Variants in PTK2B observed in about 807,000 individuals in gnomAD.
PTK2B encodes the protein protein-tyrosine kinase 2-beta.
A neutral mutation model predicts 142.9 loss-of-function variants in PTK2B; 71 were observed. The ratio of observed to expected loss-of-function variants is 0.50; its 90% CI spans 0.41 to 0.61. The LOEUF is 0.61. PTK2B is among the 20% of genes least tolerant of loss of function. PTK2B has a pLI of 0.00. For missense variants in PTK2B, 1,105 were observed against 1,320.4 expected (o/e 0.84, Z 2.53); for synonymous variants, 519 against 503.4 (o/e 1.03, Z -0.42).
Position 27,437,585 on chromosome 8 carries a change from G to C in PTK2B, c.1527+89G>C, listed in dbSNP as rs1041064813. ...CATTCCTCCCAGCTTCCTGACTTCT[G>C]TGTTCCACTGAAATAAGCCAGAGGC... is the stretch of plus-strand genomic sequence containing the variant. On this transcript the variant is annotated intron_variant, in intron 17 of 30. Coordinates refer to ENST00000346049, the MANE Select transcript of PTK2B (RefSeq NM_173176.3). 60 of 1,286,868 alleles carry C rather than the reference G, an allele frequency of 4.7e-5. No individual in the cohort carries two copies. The African/African-American group carries it at 7.5e-4, about 16-fold the overall frequency. 79.7% of individuals were successfully genotyped at this position (1,286,868 alleles called of 1,614,324 possible).
chr8:27,346,358 G>A (rs567068123), intron 1 of PTK2B, among the ~76,000 whole-genome samples: 6 of 152,144 alleles, frequency 3.9e-5, no homozygotes, highest in Non-Finnish European at 8.8e-5. Context: ...AACATGACGA[G>A]ACCCTGCCTC....
chr8:27,437,427 C>T lies in PTK2B; in HGVS notation c.1458C>T (p.Ile486=), dbSNP rs777263568. 14 of 1,613,290 alleles carry T rather than the reference C, an allele frequency of 8.7e-6. No homozygotes were observed. In the Admixed American group the frequency reaches 1.0e-4, roughly 12 times the overall value. Residue 486 remains isoleucine (I), a synonymous_variant, in exon 17 of 31, where the codon ATC becomes ATT. Transcript: ENST00000346049. ...VIMKNLDHPH[I]VKLIGIIEEE... ...TGAAGAACCTCGACCACCCGCACAT[C>T]GTGAAGCTGATCGGCATCATTGAAG...
At chr8:27,417,335 A>G (rs1280565933) in intron 2 of PTK2B, among the ~76,000 whole-genome samples, 2 of 152,190 alleles carry the variant, frequency 1.3e-5, no homozygotes, top group African/African-American at 2.4e-5. Context: ...ACACCAAAAA[A>G]GTGTATGCTA....
chr8:27,316,293 GT>G (rs34431277), intron 3 of PTK2B, among the ~76,000 whole-genome samples: 9,290 of 142,830 alleles, frequency 0.065, 368 homozygotes, highest in Middle Eastern at 0.1. Flanking sequence ...AAATTGCCTT[GT>G]TTTTTTTTTT....
In PTK2B at chr8:27,437,221, G is replaced by A. The variant is rs200648337; in HGVS notation, c.1426+15G>A. On this transcript the variant is annotated intron_variant, in intron 16 of 30. Coordinates refer to ENST00000346049, the MANE Select transcript of PTK2B (RefSeq NM_173176.3). ...GAGCGAGGCAGGTAGGGACCCCTGA[G>A]ACCAACCAGGCCTCCAAGATGGGAG... 6.2e-7 allele frequency: 1 copy of A among 1,604,786 alleles called. No homozygotes were observed. The highest frequency in any genetic ancestry group is 1.3e-5 in the African/African-American group (1 of 74,712).
intron 1 of PTK2B, among the ~76,000 whole-genome samples, chr8:27,349,591 G>A (rs921196895): frequency 4.6e-5 from 7 of 152,202 alleles, no homozygotes; most frequent in Non-Finnish European, 8.8e-5. Flanking sequence ...CAACAGCCCC[G>A]AGATTCCTTT....
At chr8:27,427,793 G>C (rs534298121) in intron 5 of PTK2B, among the ~76,000 whole-genome samples, 44 of 152,200 alleles carry the variant, frequency 2.9e-4, no homozygotes, top group Middle Eastern at 3.4e-3. Context: ...AAGAGGAGGA[G>C]GAGCTTCCAT....
At chr8:27,345,978 C>G (rs186354172) in intron 1 of PTK2B, among the ~76,000 whole-genome samples, 7 of 152,254 alleles carry the variant, frequency 4.6e-5, no homozygotes, top group Non-Finnish European at 1.0e-4. Context: ...CCAAAGGTGT[C>G]CAAACTCCTT....
At chr8:27,397,889 C>T (rs557510142) in intron 2 of PTK2B, 101 bp downstream of exon 2, 14 of 1,363,782 alleles carry the variant, frequency 1.0e-5, no homozygotes, top group Non-Finnish European at 1.4e-5. Flanking sequence ...CCCATATCCA[C>T]CCCTGGGTGG....
intron 1 of PTK2B, among the ~76,000 whole-genome samples, chr8:27,341,346 C>G (rs146693414): frequency 1.3e-5 from 2 of 152,194 alleles, no homozygotes; most frequent in African/African-American, 4.8e-5. Flanking sequence ...GCTCACACTC[C>G]GGAAACATTT....
chr8:27,362,101 G>A (rs899253990), intron 1 of PTK2B, among the ~76,000 whole-genome samples: 14 of 152,196 alleles, frequency 9.2e-5, no homozygotes, highest in African/African-American at 2.7e-4. Flanking sequence ...TCGCTGACCT[G>A]TCTGGGCAGG....
intron 2 of PTK2B, among the ~76,000 whole-genome samples, chr8:27,405,033 T>G (rs1250905408): frequency 9.0e-6 from 1 of 110,852 alleles, no homozygotes. Context: ...TCTCTTTCTC[T>G]TCCTCTCTCT....
intron 10 of PTK2B, among the ~76,000 whole-genome samples, chr8:27,432,767 G>GCAGAGCATT (rs58965391): frequency 6.6e-6 from 1 of 151,454 alleles, no homozygotes; most frequent in Non-Finnish European, 1.5e-5. Context: ...ACCTCAGGCT[G>GCAGAGCATT]CATCTCTCTC....
chr8:27,316,293 G>GT (rs34431277), intron 3 of PTK2B, among the ~76,000 whole-genome samples: 8,460 of 142,474 alleles, frequency 0.059, 688 homozygotes, highest in African/African-American at 0.18. Context: ...AAATTGCCTT[G>GT]TTTTTTTTTT....
At chr8:27,419,626 A>T (rs1809619912) in intron 2 of PTK2B, among the ~76,000 whole-genome samples, 1 of 152,148 alleles carries the variant, frequency 6.6e-6, no homozygotes. Flanking sequence ...TGCAGAAGCA[A>T]ATTTTTGTTA....
At chr8:27,457,695 C>A (rs1812217092) in intron 30 of PTK2B, among the ~76,000 whole-genome samples, 1 of 152,170 alleles carries the variant, frequency 6.6e-6, no homozygotes, top group Non-Finnish European at 1.5e-5. Context: ...CAGTGGATGG[C>A]TGGGTGTGGT....
At chr8:27,368,287 G>T (rs1806137498) in intron 1 of PTK2B, among the ~76,000 whole-genome samples, 1 of 152,142 alleles carries the variant, frequency 6.6e-6, no homozygotes, top group African/African-American at 2.4e-5. Context: ...CGAACCTTAG[G>T]CAGGCTCCTC....
intron 1 of PTK2B, among the ~76,000 whole-genome samples, chr8:27,376,786 T>C (rs1198926162): frequency 6.6e-6 from 1 of 152,204 alleles, no homozygotes; most frequent in African/African-American, 2.4e-5. Context: ...AGGGGAGGCA[T>C]GAATAATCCA....
chr8:27,318,672 G>A (rs55906168), intron 3 of PTK2B, among the ~76,000 whole-genome samples: 6,630 of 152,004 alleles, frequency 0.044, 467 homozygotes, highest in African/African-American at 0.15. Flanking sequence ...TGTTTTTGAG[G>A]CAGAGTATTG....
Sources: allele counts gnomAD v4.1 joint callset (sites outside exome capture counted in the v4.1 genomes callset), GRCh38; gene constraint gnomAD v4.1.1; transcripts MANE v1.5; gene names NCBI Gene and HGNC (gene_info 2026-07-23, HGNC 2026-07-21).